TTLL1: variants seen among roughly 807,000 people sequenced by gnomAD.
TTLL1 encodes TTL family tubulin polyglutamylase complex subunit L1.
TTLL1 carries 33 observed loss-of-function variants against 47.8 expected under a neutral mutation model. That is an observed-to-expected ratio of 0.69 (90% CI 0.52 to 0.92). TTLL1 has a LOEUF of 0.92. TTLL1 is among the 40% of genes least tolerant of loss of function. TTLL1 has a pLI of 0.00. For synonymous variants in TTLL1, 225 were observed against 214.1 expected (o/e 1.05, Z -0.45); for missense variants, 488 against 547.5 (o/e 0.89, Z 1.08).
chr22:43,087,370 C>G (rs1312985004), intron 1 of TTLL1, among the ~76,000 whole-genome samples: 1 of 151,232 alleles, frequency 6.6e-6, no homozygotes, highest in Non-Finnish European at 1.5e-5. Flanking sequence ...ACTAAAAATA[C>G]AAAATTAGCT....
intron 1 of TTLL1, among the ~76,000 whole-genome samples, chr22:43,087,736 G>A (rs932509251): frequency 2.0e-5 from 3 of 150,806 alleles, no homozygotes; most frequent in African/African-American, 7.3e-5. Context: ...TATCTGGGAG[G>A]CTGAGGTGGG....
intron 2 of TTLL1, among the ~76,000 whole-genome samples, 176 bp from the exon 3 acceptor site, chr22:43,075,766 T>C (rs543105561): frequency 6.6e-6 from 1 of 152,198 alleles, no homozygotes; most frequent in Non-Finnish European, 1.5e-5. Flanking sequence ...GAGAGTCTGG[T>C]TGTCATGACC....
intron 1 of TTLL1, among the ~76,000 whole-genome samples, chr22:43,085,038 G>A (rs1048724657): frequency 6.4e-5 from 9 of 141,528 alleles, no homozygotes; most frequent in Non-Finnish European, 1.2e-4. Flanking sequence ...CGCGATCTCA[G>A]CTCACTGTAA....
intron 8 of TTLL1, among the ~76,000 whole-genome samples, chr22:43,055,766 G>A (rs956756073): frequency 1.3e-5 from 2 of 151,836 alleles, no homozygotes; most frequent in Admixed American, 6.6e-5. Flanking sequence ...GAGCCACCAC[G>A]CCCAGCCTCT....
intron 1 of TTLL1, among the ~76,000 whole-genome samples, chr22:43,080,411 G>A (rs1465937932): frequency 1.3e-5 from 2 of 152,044 alleles, no homozygotes; most frequent in African/African-American, 2.4e-5. Flanking sequence ...AATATTCAGT[G>A]GCTGGCATCT....
intron 1 of TTLL1, among the ~76,000 whole-genome samples, chr22:43,083,133 G>A (rs1445636622): frequency 1.3e-5 from 2 of 152,080 alleles, no homozygotes; most frequent in Non-Finnish European, 1.5e-5. Flanking sequence ...CTGGGAGGCC[G>A]AGGCAGGCAG....
chr22:43,046,819 A>G (rs1387411548), intron 9 of TTLL1, among the ~76,000 whole-genome samples: 1 of 151,974 alleles, frequency 6.6e-6, no homozygotes, highest in Non-Finnish European at 1.5e-5. Context: ...ACAGGCACAC[A>G]CCAACACGCC....
At chr22:43,066,158 CAA>C (rs34092819) in intron 5 of TTLL1, among the ~76,000 whole-genome samples, 2 of 93,426 alleles carry the variant, frequency 2.1e-5, no homozygotes, top group Non-Finnish European at 2.3e-5. Context: ...GACACTGTCT[CAA>C]AAAAAAAAAA....
At chr22:43,044,797 C>T (rs1925974248) in intron 10 of TTLL1, among the ~76,000 whole-genome samples, 1 of 152,112 alleles carries the variant, frequency 6.6e-6, no homozygotes, top group Admixed American at 6.6e-5. Context: ...TTACGTTATA[C>T]ACCCTTTTCT....
chr22:43,040,044 C>T, intron 10 of TTLL1, 139 bp from the exon 11 acceptor site: 1 of 1,182,268 alleles, frequency 8.5e-7, no homozygotes. Context: ...CTCCTGCTGG[C>T]TCCCGCCCAC....
chr22:43,057,797 G>A (rs1273050210), intron 8 of TTLL1, among the ~76,000 whole-genome samples: 1 of 152,014 alleles, frequency 6.6e-6, no homozygotes, highest in Non-Finnish European at 1.5e-5. Flanking sequence ...CTCCCTCATA[G>A]GTGAGATGGG....
chr22:43,051,692 C>T (rs1412238120), intron 9 of TTLL1, 109 bp downstream of exon 9: 2 of 1,031,436 alleles, frequency 1.9e-6, no homozygotes, highest in Non-Finnish European at 3.1e-6. Flanking sequence ...CCCTTCCTGC[C>T]TGGCCTGAGA....
intron 3 of TTLL1, among the ~76,000 whole-genome samples, chr22:43,074,845 G>A (rs1197183085): frequency 6.6e-6 from 1 of 151,728 alleles, no homozygotes; most frequent in African/African-American, 2.4e-5. Context: ...TTCAAGACCA[G>A]CCTAGGCAAC....
In TTLL1 at chr22:43,068,436, C is replaced by T; in HGVS notation, c.477G>A (p.Lys159=). 6.5e-7 allele frequency: 1 copy of T among 1,546,088 alleles called. No individual in the cohort carries two copies. The highest frequency in any genetic ancestry group is 1.2e-5 in the South Asian group (1 of 84,076). The change falls in exon 5 of 11, where the codon AAG becomes AAA. Residue 159 remains lysine (K), a synonymous_variant. Transcript: ENST00000266254. ...FLINKLSQIK[K]WSRDSKTSSF... ...AAGATGTCTTGCTGTCCCGGGACCA[C>T]TTTTTGATCTGTGAGAGCTTGTTGA...
intron 2 of TTLL1, among the ~76,000 whole-genome samples, chr22:43,079,680 T>A (rs1055057700): frequency 2.6e-5 from 4 of 152,206 alleles, no homozygotes; most frequent in Non-Finnish European, 5.9e-5. Context: ...CCAGGAAGGC[T>A]GTGCGCGATT....
chr22:43,074,779 C>A (rs1247965089), intron 3 of TTLL1, among the ~76,000 whole-genome samples: 1 of 152,200 alleles, frequency 6.6e-6, no homozygotes, highest in East Asian at 1.9e-4. Context: ...GTGGCTCATG[C>A]CTGTAATCCC....
In TTLL1 at chr22:43,069,725, A is replaced by G; in HGVS notation, c.233T>C (p.Val78Ala). 6.2e-7 allele frequency: 1 copy of G among 1,614,064 alleles called. No individual in the cohort carries two copies. The highest frequency in any genetic ancestry group is 8.5e-7 in the Non-Finnish European group (1 of 1,180,036). The change falls in exon 4 of 11, where the codon GTG (valine) becomes GCG (alanine). Residue 78 changes from valine (V) to alanine (A), a missense_variant. Transcript: ENST00000266254. ...CTTCCTGTATCTTTTGATGTTCTTC[A>G]CCATCAGGTCCTTCCGGGTCAGTTC... is the stretch of plus-strand genomic sequence containing the variant. ...HYELTRKDLM[V>A]KNIKRYRKEL...
chr22:43,081,251 G>A (rs959723451), intron 1 of TTLL1, among the ~76,000 whole-genome samples: 9 of 151,876 alleles, frequency 5.9e-5, no homozygotes, highest in South Asian at 4.1e-4. Context: ...GTGGGCATGC[G>A]CATCAAAGCC....
chr22:43,086,528 AGT>A (rs1929239164), intron 1 of TTLL1, among the ~76,000 whole-genome samples: 1 of 152,154 alleles, frequency 6.6e-6, no homozygotes, highest in African/African-American at 2.4e-5. Flanking sequence ...ACAGCCACTC[AGT>A]GCCAGGCCTG....
Sources: gnomAD v4.1 joint callset for allele counts (sites outside exome capture counted in the v4.1 genomes callset) on GRCh38, gnomAD v4.1.1 for gene constraint, MANE v1.5 for transcripts, NCBI Gene and HGNC (gene_info 2026-07-23, HGNC 2026-07-21) for gene names.